EPHA5: variants seen among roughly 807,000 people sequenced by gnomAD.
EPHA5 encodes the protein EPH receptor A5, also known as ephrin type-A receptor 5.
A neutral mutation model predicts 105.0 loss-of-function variants in EPHA5; 60 were observed. The ratio of observed to expected loss-of-function variants is 0.57; its 90% confidence interval spans 0.46 to 0.71. EPHA5 has a LOEUF of 0.71. EPHA5 is among the 30% of genes least tolerant of loss of function. The pLI is 0.00. For synonymous variants in EPHA5, 513 were observed against 449.1 expected (o/e 1.14, Z -1.80); for missense variants, 1,218 against 1,274.7 (o/e 0.96, Z 0.68).
chr4:65,435,598 C>T (rs142935777), intron 5 of EPHA5, among the ~76,000 whole-genome samples: 283 of 152,154 alleles, frequency 1.9e-3, no homozygotes, highest in African/African-American at 5.6e-3. Context: ...AGATGTTGCA[C>T]TGTCTTTTTC....
chr4:65,652,601 G>A (rs1473171396), intron 1 of EPHA5, among the ~76,000 whole-genome samples: 5 of 151,932 alleles, frequency 3.3e-5, no homozygotes, highest in Admixed American at 2.0e-4. Flanking sequence ...TATCATACTC[G>A]CCCCAACGTT....
chr4:65,350,535 G>A (rs945725472), intron 13 of EPHA5, among the ~76,000 whole-genome samples: 2 of 151,948 alleles, frequency 1.3e-5, no homozygotes, highest in Non-Finnish European at 2.9e-5. Flanking sequence ...TCTTCACAAG[G>A]GTTTTAGACA....
At chr4:65,510,837 C>T (rs762512076) in intron 3 of EPHA5, among the ~76,000 whole-genome samples, 102 of 152,160 alleles carry the variant, frequency 6.7e-4, no homozygotes, top group Non-Finnish European at 1.3e-3. Flanking sequence ...ATATGATGCT[C>T]AAGTATAGGT....
chr4:65,567,041 T>C (rs1739614860), intron 3 of EPHA5, among the ~76,000 whole-genome samples: 1 of 151,660 alleles, frequency 6.6e-6, no homozygotes, highest in African/African-American at 2.4e-5. Flanking sequence ...CACACTTTTA[T>C]TTGTGCATTC....
chr4:65,448,721 A>G (rs1187109242), intron 5 of EPHA5, among the ~76,000 whole-genome samples: 1 of 152,156 alleles, frequency 6.6e-6, no homozygotes, highest in Non-Finnish European at 1.5e-5. Context: ...AACAAAGCAC[A>G]CAATGGAGAA....
intron 3 of EPHA5, among the ~76,000 whole-genome samples, chr4:65,568,112 C>T (rs1739749167): frequency 6.6e-6 from 1 of 151,426 alleles, no homozygotes; most frequent in Non-Finnish European, 1.5e-5. Flanking sequence ...GTAACCATGA[C>T]CCATATCATT....
chr4:65,574,100 T>C, intron 3 of EPHA5: 9 of 1,609,018 alleles, frequency 5.6e-6, no homozygotes, highest in Non-Finnish European at 6.8e-6. Flanking sequence ...AACATCTTAC[T>C]GATGCTTACT....
intron 3 of EPHA5, among the ~76,000 whole-genome samples, chr4:65,516,511 C>A (rs1293697117): frequency 6.6e-6 from 1 of 151,816 alleles, no homozygotes; most frequent in Admixed American, 6.6e-5. Context: ...TTTATCTGTG[C>A]TTTTAAAACC....
chr4:65,489,058 TTTA>T (rs201460646), intron 5 of EPHA5, among the ~76,000 whole-genome samples: 17,553 of 151,606 alleles, frequency 0.12, 1,348 homozygotes, highest in East Asian at 0.2. Flanking sequence ...GCTAATTTTT[TTTA>T]TTATTATTTT....
At chr4:65,625,851 C>T (rs1386032442) in intron 2 of EPHA5, among the ~76,000 whole-genome samples, 2 of 152,150 alleles carry the variant, frequency 1.3e-5, no homozygotes. Context: ...GTGACTCACG[C>T]TTGTAATCCC....
rs76641970 is a variant in EPHA5 at position 65,337,234 on chromosome 4, C to T, written c.2596-1109G>A. ...TACCTGTGTTGTGAATATTCAAAGT[C>T]CTCTCTACTAGCTTGTTGAAAATAT... is the stretch of plus-strand genomic sequence containing the variant. On this transcript the variant is annotated intron_variant, in intron 14 of 16. Coordinates refer to ENST00000613740, the MANE Select transcript of EPHA5 (RefSeq NM_001281766.3). 2.4e-3 allele frequency among the ~76,000 whole-genome samples: 371 copies of T among 152,104 alleles called. 1 individual carries two copies. Among genetic ancestry groups the T allele is most frequent in the African/African-American group, 8.6e-3 (356 of 41,502 alleles).
intron 3 of EPHA5, among the ~76,000 whole-genome samples, chr4:65,581,010 G>C (rs1482242100): frequency 6.6e-6 from 1 of 151,602 alleles, no homozygotes; most frequent in Non-Finnish European, 1.5e-5. Flanking sequence ...CTCTATCTTT[G>C]GTGTCACTGC....
intron 16 of EPHA5, chr4:65,330,638 T>C (rs1720521254): frequency 1.7e-6 from 1 of 600,888 alleles, no homozygotes; most frequent in Non-Finnish European, 2.1e-6. Context: ...CATTTTAATA[T>C]AAAATGACAA....
intron 8 of EPHA5, among the ~76,000 whole-genome samples, chr4:65,392,055 G>T (rs958650929): frequency 6.6e-6 from 1 of 152,042 alleles, no homozygotes; most frequent in African/African-American, 2.4e-5. Context: ...ACCCTCTTAC[G>T]TTCAGTTTCC....
At chr4:65,364,929 T>C in intron 11 of EPHA5, 88 bp downstream of exon 11, 1 of 1,050,236 alleles carries the variant, frequency 9.5e-7, no homozygotes, top group Non-Finnish European at 1.3e-6. Context: ...TATATTACAA[T>C]CTTGGTTTCT....
chr4:65,388,896 A>C (rs1048949148), intron 8 of EPHA5, among the ~76,000 whole-genome samples: 1 of 151,928 alleles, frequency 6.6e-6, no homozygotes, highest in African/African-American at 2.4e-5. Context: ...GCCCATGCCT[A>C]TGTCCTGAAT....
At chr4:65,609,873 A>C (rs572461905) in intron 2 of EPHA5, among the ~76,000 whole-genome samples, 3 of 152,146 alleles carry the variant, frequency 2.0e-5, no homozygotes, top group East Asian at 1.9e-4. Context: ...AACAAAAAAA[A>C]CCCAAAAAGC....
rs1403402648 is a variant in EPHA5, at chr4:65,348,186, G to C, written c.2463C>G (p.Ile821Met). The C allele has an allele frequency of 6.2e-7, 1 of 1,610,880 alleles. No homozygotes were observed. The highest frequency in any genetic ancestry group is 8.5e-7 in the Non-Finnish European group (1 of 1,178,906). The change falls in exon 14 of 17, where the codon ATC (isoleucine) becomes ATG (methionine). Residue 821 changes from isoleucine to methionine, a missense_variant. Physicochemically the swap from Ile to Met is conservative, Grantham distance 10. This residue lies in a region of EPHA5 where 971 missense variants were observed against 1,013.5 expected (regional missense o/e 0.96). Transcript: ENST00000613740. The stretch of plus-strand genomic sequence containing the variant: ...CTATTGCTTCTGGGGCAGTCCATCT[G>C]ATTGGAATTTTTCCTCCCTAAAATT... Reference protein sequence around the residue: ...AYTTRGGKIPIRWTAPEAIAF... With the variant: ...AYTTRGGKIPMRWTAPEAIAF...
chr4:65,616,196 C>A (rs1420210115), intron 2 of EPHA5, among the ~76,000 whole-genome samples: 1 of 151,830 alleles, frequency 6.6e-6, no homozygotes, highest in Non-Finnish European at 1.5e-5. Flanking sequence ...AACGTTAATA[C>A]TTTATGACTC....
Sources: gnomAD v4.1 joint callset for allele counts (sites outside exome capture counted in the v4.1 genomes callset) on GRCh38, gnomAD v4.1.1 for gene constraint, gnomAD v4.1.1 regional missense constraint, MANE v1.5 for transcripts, NCBI Gene and HGNC (gene_info 2026-07-23, HGNC 2026-07-21) for gene names.